The following ATP8B4 variants were observed in gnomAD, a reference collection of about 807,000 sequenced individuals.
ATP8B4 encodes ATPase phospholipid transporting 8B4 (putative), also known as probable phospholipid-transporting ATPase IM.
In ATP8B4, 133 loss-of-function variants were observed where a neutral mutation model predicts 145.6. That is an observed-to-expected ratio of 0.91 (90% CI 0.79 to 1.05). The LOEUF is 1.05. ATP8B4 is among the 50% of genes least tolerant of loss of function. The pLI is 0.00. For missense variants in ATP8B4, 1,458 were observed against 1,425.2 expected (o/e 1.02, Z -0.37); for synonymous variants, 507 against 492.9 (o/e 1.03, Z -0.38).
intron 13 of ATP8B4, among the ~76,000 whole-genome samples, chr15:49,967,633 C>A (rs2044676670): frequency 6.6e-6 from 1 of 152,040 alleles, no homozygotes; most frequent in African/African-American, 2.4e-5. Context: ...GTGAAAAGAC[C>A]AAACCTACGT....
At chr15:50,173,142 C>T (rs1380448311) in intron 1 of ATP8B4, among the ~76,000 whole-genome samples, 3 of 150,714 alleles carry the variant, frequency 2.0e-5, no homozygotes, top group South Asian at 4.2e-4. Flanking sequence ...CCGGCCGCCC[C>T]GTCTGGGAAG....
In ATP8B4 at chr15:49,934,144, C is replaced by G. The variant is rs114314451; in HGVS notation, c.1326G>C (p.Ala442=). The G allele has an allele frequency of 6.2e-7, 1 of 1,612,030 alleles. No homozygotes were observed. Among genetic ancestry groups the G allele is most frequent in the East Asian group, 2.2e-5 (1 of 44,796 alleles). ...GGTCAAAGAACTGAAATTCTCTATC[C>G]GCTTGAGATTTGACTGAGAAATCCA... ...EPVDFSVKSQ[A]DREFQFFDHH... The change falls in exon 15 of 28, where the codon GCG becomes GCC. Residue 442 remains alanine (A), a synonymous_variant. Coordinates refer to ENST00000284509, the MANE Select transcript of ATP8B4 (RefSeq NM_024837.4).
chr15:49,861,137 C>G (rs1236942511), intron 27 of ATP8B4, among the ~76,000 whole-genome samples: 4 of 151,952 alleles, frequency 2.6e-5, no homozygotes, highest in Non-Finnish European at 5.9e-5. Flanking sequence ...TGTAAGCAAC[C>G]TTGTTCTCTG....
chr15:50,028,052 T>C (rs894125772), intron 6 of ATP8B4, among the ~76,000 whole-genome samples: 1 of 152,204 alleles, frequency 6.6e-6, no homozygotes, highest in African/African-American at 2.4e-5. Flanking sequence ...TTACCTTCCT[T>C]CTACAATATT....
intron 21 of ATP8B4, among the ~76,000 whole-genome samples, chr15:49,899,313 T>C (rs545384957): frequency 1.3e-5 from 2 of 152,306 alleles, no homozygotes; most frequent in South Asian, 2.1e-4. Context: ...AAGCATTGTG[T>C]TCATTCCTCT....
At chr15:50,032,255 A>G (rs1033954132) in intron 6 of ATP8B4, among the ~76,000 whole-genome samples, 4 of 151,422 alleles carry the variant, frequency 2.6e-5, no homozygotes, top group African/African-American at 9.7e-5. Context: ...TCATTGTTCA[A>G]CTCCCACTTA....
upstream of ATP8B4, among the ~76,000 whole-genome samples, chr15:50,123,505 C>T (rs2057286983): frequency 6.6e-6 from 1 of 152,158 alleles, no homozygotes; most frequent in Non-Finnish European, 1.5e-5. Flanking sequence ...GAACAGAAGA[C>T]AGCAAGGAAA....
At chr15:49,933,921 C>A in intron 15 of ATP8B4, 96 bp downstream of exon 15, 1 of 1,339,848 alleles carries the variant, frequency 7.5e-7, no homozygotes, top group East Asian at 2.5e-5. Context: ...GCTCACTGCT[C>A]AAATGCTTAA....
intron 14 of ATP8B4, among the ~76,000 whole-genome samples, chr15:49,959,649 T>C (rs1449230595): frequency 2.0e-5 from 3 of 152,130 alleles, no homozygotes; most frequent in Admixed American, 1.3e-4. Context: ...ATCAAATTTA[T>C]TGCTTTCATA....
Position 50,001,861 on chromosome 15 carries a change from C to A in ATP8B4, c.506+292G>T, listed in dbSNP as rs552610355. ...CCCTCTCATTTTCCCTATAAAATCA[C>A]TTGAAATCAAAACAAGCAAAAACTT... On this transcript the variant is annotated intron_variant, in intron 8 of 27. Transcript: ENST00000284509. 9.2e-5 allele frequency among the ~76,000 whole-genome samples: 14 copies of A among 152,230 alleles called. No homozygotes were observed. The South Asian group carries it at 2.7e-3, about 29-fold the overall frequency.
At chr15:49,892,293 A>G (rs747754980) in intron 23 of ATP8B4, among the ~76,000 whole-genome samples, 4 of 152,192 alleles carry the variant, frequency 2.6e-5, no homozygotes, top group Non-Finnish European at 5.9e-5. Context: ...ATACGATTGT[A>G]GTAGTATAAA....
intron 2 of ATP8B4, among the ~76,000 whole-genome samples, chr15:50,104,887 A>ACACACACACACCCC (rs753542910): frequency 1.3e-5 from 2 of 151,396 alleles, no homozygotes; most frequent in Non-Finnish European, 2.9e-5. Context: ...ACACACACAC[A>ACACACACACACCCC]CCCATATATA....
At chr15:49,959,210 A>G (rs1414843883) in intron 14 of ATP8B4, among the ~76,000 whole-genome samples, 1 of 152,028 alleles carries the variant, frequency 6.6e-6, no homozygotes, top group African/African-American at 2.4e-5. Flanking sequence ...AAGAAAAAAC[A>G]TTTTATTATC....
intron 2 of ATP8B4, among the ~76,000 whole-genome samples, chr15:50,102,874 A>G (rs1257637878): frequency 6.6e-6 from 1 of 152,166 alleles, no homozygotes; most frequent in Non-Finnish European, 1.5e-5. Flanking sequence ...ATCCAACAAC[A>G]TATCAAAAAG....
At chr15:50,072,890 TG>T (rs1273840650) in intron 3 of ATP8B4, among the ~76,000 whole-genome samples, 5 of 139,098 alleles carry the variant, frequency 3.6e-5, no homozygotes, top group Admixed American at 1.5e-4. Flanking sequence ...AAACTAGTGT[TG>T]GGACTACAGG....
At chr15:49,981,141 A>G in intron 11 of ATP8B4, 65 bp downstream of exon 11, 1 of 1,339,208 alleles carries the variant, frequency 7.5e-7, no homozygotes, top group South Asian at 1.3e-5. Flanking sequence ...AAGAATTCCC[A>G]GCAAGATTCA....
intron 25 of ATP8B4, among the ~76,000 whole-genome samples, chr15:49,874,360 C>T (rs1446435615): frequency 1.3e-5 from 2 of 152,278 alleles, no homozygotes; most frequent in African/African-American, 2.4e-5. Flanking sequence ...GAAGAATGTT[C>T]CAGGCAGGAA....
intron 23 of ATP8B4, among the ~76,000 whole-genome samples, chr15:49,889,615 G>A (rs954603565): frequency 6.6e-6 from 1 of 152,140 alleles, no homozygotes; most frequent in African/African-American, 2.4e-5. Flanking sequence ...CCTTCTTGAA[G>A]CCTTGCACAC....
chr15:50,044,084 G>A (rs1433720167), intron 5 of ATP8B4, among the ~76,000 whole-genome samples: 3 of 152,178 alleles, frequency 2.0e-5, no homozygotes, highest in African/African-American at 7.2e-5. Context: ...AGTTTTGAGA[G>A]AGTCAAAACT....
Sources: allele counts gnomAD v4.1 joint callset (sites outside exome capture counted in the v4.1 genomes callset), GRCh38; gene constraint gnomAD v4.1.1; transcripts MANE v1.5; gene names NCBI Gene and HGNC (gene_info 2026-07-23, HGNC 2026-07-21).